The following RAB1A variants were observed in gnomAD, a reference collection of about 807,000 sequenced individuals.
RAB1A encodes RAB1A, member RAS oncogene family, also known as ras-related protein Rab-1A.
In RAB1A, 2 loss-of-function variants were observed where a neutral mutation model predicts 26.0. The observed-to-expected ratio is 0.08, with a 90% confidence interval of 0.03 to 0.24. RAB1A has a LOEUF of 0.24. Among genes scored for constraint, RAB1A ranks in the 10% least tolerant of loss-of-function variants. The pLI is 1.00. For missense variants in RAB1A, 100 were observed against 247.0 expected (o/e 0.40, Z 3.99); for synonymous variants, 84 against 84.9 (o/e 0.99, Z 0.06).
chr2:65,114,147 T>C (rs765081506), intron 1 of RAB1A: 1 of 470,170 alleles, frequency 2.1e-6, no homozygotes, highest in Non-Finnish European at 4.1e-6. Flanking sequence ...CTGGGTTAAA[T>C]GAGAATATAC....
At chr2:65,101,647 T>C (rs937799886) in intron 2 of RAB1A, among the ~76,000 whole-genome samples, 1 of 151,674 alleles carries the variant, frequency 6.6e-6, no homozygotes, top group Admixed American at 6.6e-5. Flanking sequence ...TTAATAAAAA[T>C]TAAATGACAC....
chr2:65,113,183 A>T (rs187165450), intron 1 of RAB1A, among the ~76,000 whole-genome samples: 1 of 152,352 alleles, frequency 6.6e-6, no homozygotes, highest in East Asian at 1.9e-4. Context: ...CCCACCCCAG[A>T]ACCCTTGTTT....
rs528003681 is a variant in RAB1A at position 65,121,218 on chromosome 2, G to C, written c.23+8675C>G. Among the ~76,000 whole-genome samples, 71 of 131,520 alleles carry C rather than the reference G, an allele frequency of 5.4e-4. No homozygotes were observed. The South Asian group carries it at 8.3e-3, about 15-fold the overall frequency. 86.3% of individuals were successfully genotyped at this position (131,520 alleles called of 152,430 possible). ...TACCACCACTCCAGCCTGGGAGACA[G>C]AGCTAGATCATGTCTCGAAAAAAAA... On this transcript the variant is annotated intron_variant, in intron 1 of 5. Coordinates refer to ENST00000409784, the MANE Select transcript of RAB1A (RefSeq NM_004161.5).
chr2:65,112,337 G>T (rs1239272831), intron 1 of RAB1A, among the ~76,000 whole-genome samples: 2 of 151,772 alleles, frequency 1.3e-5, no homozygotes, highest in African/African-American at 4.8e-5. Context: ...AGTAGAGATG[G>T]GGTTTCACCA....
intron 2 of RAB1A, among the ~76,000 whole-genome samples, chr2:65,102,600 ATCTG>A (rs1183496005): frequency 6.6e-6 from 1 of 150,540 alleles, no homozygotes; most frequent in South Asian, 2.1e-4. Context: ...TTCTGTTCTA[ATCTG>A]TCTGTTAGCT....
chr2:65,118,916 C>T (rs962242502), intron 1 of RAB1A, among the ~76,000 whole-genome samples: 2 of 152,048 alleles, frequency 1.3e-5, no homozygotes, highest in Admixed American at 6.6e-5. Flanking sequence ...AGGCCAGGTA[C>T]AGTGGCTCAT....
intron 1 of RAB1A, among the ~76,000 whole-genome samples, chr2:65,117,218 C>A (rs1186538873): frequency 1.3e-5 from 2 of 151,714 alleles, no homozygotes; most frequent in Non-Finnish European, 2.9e-5. Context: ...AGCACACCAA[C>A]CACACCTGGC....
At chr2:65,122,390 T>TAA (rs1189829874) in intron 1 of RAB1A, among the ~76,000 whole-genome samples, 5 of 26,670 alleles carry the variant, frequency 1.9e-4, no homozygotes, top group Non-Finnish European at 3.4e-4. Context: ...CTACAAAAAA[T>TAA]ACAAAAAAAA....
Position 65,129,970 on chromosome 2 carries a change from C to G in RAB1A, c.-55G>C. 6.4e-7 allele frequency: 1 copy of G among 1,555,486 alleles called. No individual in the cohort carries two copies. The highest frequency in any genetic ancestry group is 1.4e-5 in the African/African-American group (1 of 73,450). ...CGCCCTTGCTGCCGCAGCCGCCGCC[C>G]TGACTCTCCGCGCCACGGGTAATCG... On this transcript the variant is annotated 5_prime_UTR_variant, in exon 1 of 6. Transcript: ENST00000409784.
chr2:65,116,592 A>G (rs1573085720), intron 1 of RAB1A, among the ~76,000 whole-genome samples: 1 of 152,366 alleles, frequency 6.6e-6, no homozygotes, highest in East Asian at 1.9e-4. Flanking sequence ...GTAAGTGGCC[A>G]TTGTTATTTC....
At chr2:65,125,864 C>CTTTTTTTTTTT (rs55930968) in intron 1 of RAB1A, among the ~76,000 whole-genome samples, 1 of 74,736 alleles carries the variant, frequency 1.3e-5, no homozygotes, top group Non-Finnish European at 2.5e-5. Flanking sequence ...TTTCAATTGC[C>CTTTTTTTTTTT]TTTTTTTTTT....
chr2:65,105,055 AAAAG>A (rs1455004005), intron 1 of RAB1A: 18 of 575,114 alleles, frequency 3.1e-5, no homozygotes, highest in Non-Finnish European at 4.4e-5. Flanking sequence ...CTTCCACTTA[AAAAG>A]AAAGAAGGAA....
At chr2:65,108,042 CAA>C (rs1375801032) in intron 1 of RAB1A, among the ~76,000 whole-genome samples, 2 of 113,154 alleles carry the variant, frequency 1.8e-5, no homozygotes, top group African/African-American at 6.4e-5. Flanking sequence ...CCAGCACGGG[CAA>C]AAGAGGAGTC....
At chr2:65,096,200 A>G (rs1164899936) in intron 3 of RAB1A, among the ~76,000 whole-genome samples, 30 of 151,974 alleles carry the variant, frequency 2.0e-4, no homozygotes, top group Admixed American at 2.0e-3. Flanking sequence ...ATATAATCCC[A>G]GCTATTAGGG....
chr2:65,096,536 A>G (rs1410041347), intron 3 of RAB1A, among the ~76,000 whole-genome samples: 2 of 152,206 alleles, frequency 1.3e-5, no homozygotes, highest in African/African-American at 2.4e-5. Context: ...ATTCCATACC[A>G]GTGCTTTAAA....
At chr2:65,118,440 T>C (rs1240755911) in intron 1 of RAB1A, among the ~76,000 whole-genome samples, 6 of 152,166 alleles carry the variant, frequency 3.9e-5, no homozygotes, top group African/African-American at 7.2e-5. Context: ...ACTCTTAATA[T>C]ACTCTGATGA....
At chr2:65,098,661 GA>G (rs1176050119) in intron 2 of RAB1A, among the ~76,000 whole-genome samples, 2 of 151,972 alleles carry the variant, frequency 1.3e-5, no homozygotes, top group African/African-American at 4.8e-5. Context: ...CTTCACTCCA[GA>G]AAGAACCCGT....
chr2:65,109,799 T>C (rs1669652169), intron 1 of RAB1A, among the ~76,000 whole-genome samples: 1 of 152,168 alleles, frequency 6.6e-6, no homozygotes, highest in Admixed American at 6.6e-5. Context: ...TCCTATCCAC[T>C]GTTTCCAGTT....
intron 3 of RAB1A, among the ~76,000 whole-genome samples, chr2:65,096,246 C>T (rs1222437606): frequency 1.3e-5 from 2 of 152,054 alleles, no homozygotes; most frequent in Non-Finnish European, 2.9e-5. Flanking sequence ...ACCCAGGAGG[C>T]GGAGGTTGCA....
Sources: allele counts gnomAD v4.1 joint callset (sites outside exome capture counted in the v4.1 genomes callset), GRCh38; gene constraint gnomAD v4.1.1; transcripts MANE v1.5; gene names NCBI Gene and HGNC (gene_info 2026-07-23, HGNC 2026-07-21).